AGBL4: variants seen among roughly 807,000 people sequenced by gnomAD.
The protein encoded by AGBL4 is AGBL carboxypeptidase 4, also known as cytosolic carboxypeptidase 6.
AGBL4 carries 58 observed loss-of-function variants against 66.4 expected under a neutral mutation model. That is an observed-to-expected ratio of 0.87 (90% CI 0.71 to 1.09). The LOEUF is 1.09. AGBL4 is among the 50% of genes least tolerant of loss of function. The probability of loss-of-function intolerance (pLI) is 0.00; values close to 1 mark genes in which losing one functional copy is unlikely to be tolerated. For missense variants in AGBL4, 579 were observed against 631.0 expected (o/e 0.92, Z 0.88); for synonymous variants, 234 against 222.9 (o/e 1.05, Z -0.44).
chr1:48,563,558 TAC>T (rs1434795131), intron 11 of AGBL4, among the ~76,000 whole-genome samples: 1 of 150,514 alleles, frequency 6.6e-6, no homozygotes, highest in Non-Finnish European at 1.5e-5. Flanking sequence ...GAGGAGGAGA[TAC>T]AGAGAGTAAC....
At chr1:48,824,631 A>G (rs866069826) in intron 6 of AGBL4, among the ~76,000 whole-genome samples, 2 of 152,308 alleles carry the variant, frequency 1.3e-5, no homozygotes, top group African/African-American at 4.8e-5. Context: ...TAGCATGCCT[A>G]GATTTGCTCT....
chr1:49,085,109 G>A (rs1055278300), intron 4 of AGBL4, among the ~76,000 whole-genome samples: 5 of 152,096 alleles, frequency 3.3e-5, no homozygotes, highest in African/African-American at 1.2e-4. Context: ...AATAACCTAC[G>A]CAGGTGGACA....
At chr1:48,870,444 C>G (rs189700038) in intron 5 of AGBL4, among the ~76,000 whole-genome samples, 1 of 152,282 alleles carries the variant, frequency 6.6e-6, no homozygotes, top group Admixed American at 6.5e-5. Context: ...TGTTTGATGT[C>G]ATCTAGCTCA....
At chr1:48,817,177 G>A (rs1006291662) in intron 6 of AGBL4, among the ~76,000 whole-genome samples, 3 of 152,112 alleles carry the variant, frequency 2.0e-5, no homozygotes, top group African/African-American at 7.2e-5. Flanking sequence ...CTCTCCCAAC[G>A]TATGACATTT....
chr1:49,954,382 A>G (rs1414491799), intron 1 of AGBL4, among the ~76,000 whole-genome samples: 1 of 151,958 alleles, frequency 6.6e-6, no homozygotes, highest in Non-Finnish European at 1.5e-5. Context: ...TGAAGGAATT[A>G]ATGTCATTAT....
intron 5 of AGBL4, among the ~76,000 whole-genome samples, chr1:48,901,195 G>T (rs1652048010): frequency 6.6e-6 from 1 of 152,146 alleles, no homozygotes; most frequent in African/African-American, 2.4e-5. Context: ...TATTAGAATG[G>T]ATAAAATTAA....
intron 3 of AGBL4, among the ~76,000 whole-genome samples, chr1:49,563,567 C>A (rs1463455585): frequency 6.6e-6 from 1 of 152,106 alleles, no homozygotes; most frequent in African/African-American, 2.4e-5. Context: ...TTGAGATAAT[C>A]ATGTGGGTTT....
intron 6 of AGBL4, among the ~76,000 whole-genome samples, chr1:48,676,146 T>C (rs921896238): frequency 1.3e-5 from 2 of 152,236 alleles, no homozygotes; most frequent in Non-Finnish European, 2.9e-5. Context: ...CATGGTTTCA[T>C]CAGAAACTAG....
At chr1:48,930,274 A>G (rs538165510) in intron 5 of AGBL4, among the ~76,000 whole-genome samples, 1 of 152,072 alleles carries the variant, frequency 6.6e-6, no homozygotes, top group African/African-American at 2.4e-5. Flanking sequence ...TGCCATCTGG[A>G]GAAATTTTCT....
intron 1 of AGBL4, among the ~76,000 whole-genome samples, chr1:49,991,387 C>T (rs898128985): frequency 6.6e-6 from 1 of 152,124 alleles, no homozygotes; most frequent in Non-Finnish European, 1.5e-5. Flanking sequence ...CATCTGCATA[C>T]ATGACAATCA....
chr1:48,990,974 C>T (rs1017809370), intron 5 of AGBL4, among the ~76,000 whole-genome samples: 1 of 152,006 alleles, frequency 6.6e-6, no homozygotes, highest in African/African-American at 2.4e-5. Context: ...ATGATTTAGT[C>T]TTTGTACTTA....
intron 5 of AGBL4, among the ~76,000 whole-genome samples, chr1:48,951,251 T>C (rs987754841): frequency 2.0e-5 from 3 of 152,312 alleles, no homozygotes; most frequent in Non-Finnish European, 2.9e-5. Flanking sequence ...TGCTGCATTA[T>C]GTCTCAGTGT....
chr1:48,989,067 G>T (rs2148975323), intron 5 of AGBL4, among the ~76,000 whole-genome samples: 1 of 152,290 alleles, frequency 6.6e-6, no homozygotes, highest in South Asian at 2.1e-4. Flanking sequence ...AGAACAGCAA[G>T]GCAAAGGCTG....
At chr1:49,262,307 G>A (rs1459536743) in intron 3 of AGBL4, among the ~76,000 whole-genome samples, 2 of 152,146 alleles carry the variant, frequency 1.3e-5, no homozygotes, top group South Asian at 2.1e-4. Context: ...TGACAAATGG[G>A]ATCTAATTAA....
At chr1:48,911,442 C>A (rs1325851816) in intron 5 of AGBL4, among the ~76,000 whole-genome samples, 2 of 151,952 alleles carry the variant, frequency 1.3e-5, no homozygotes, top group East Asian at 3.9e-4. Flanking sequence ...ACGGTGAAAC[C>A]CCGTCTCTAC....
chr1:49,907,264 T>C (rs1438133193), intron 1 of AGBL4, among the ~76,000 whole-genome samples: 1 of 152,132 alleles, frequency 6.6e-6, no homozygotes, highest in Non-Finnish European at 1.5e-5. Context: ...TTCTTAAGTT[T>C]CTTTTAATCT....
intron 8 of AGBL4, among the ~76,000 whole-genome samples, chr1:48,653,094 A>G (rs1279716081): frequency 1.3e-5 from 2 of 152,186 alleles, no homozygotes; most frequent in Non-Finnish European, 2.9e-5. Flanking sequence ...AACTGAGACT[A>G]GGTCTCCTGA....
intron 6 of AGBL4, among the ~76,000 whole-genome samples, chr1:48,751,372 G>T (rs1190133175): frequency 1.3e-5 from 2 of 152,202 alleles, no homozygotes; most frequent in Admixed American, 6.5e-5. Flanking sequence ...AAAAGGGATG[G>T]TGCCACAGAA....
At chr1:48,901,244 T>C (rs1435567899) in intron 5 of AGBL4, among the ~76,000 whole-genome samples, 1 of 152,172 alleles carries the variant, frequency 6.6e-6, no homozygotes, top group African/African-American at 2.4e-5. Context: ...ATGAAGGAAC[T>C]GGAATTGTCA....
Sources: gnomAD v4.1 joint callset for allele counts (sites outside exome capture counted in the v4.1 genomes callset) on GRCh38, gnomAD v4.1.1 for gene constraint, MANE v1.5 for transcripts, NCBI Gene and HGNC (gene_info 2026-07-23, HGNC 2026-07-21) for gene names.